Variants in DNAH7 observed in about 807,000 individuals in gnomAD.
The protein encoded by DNAH7 is dynein axonemal heavy chain 7, also known as axonemal beta dynein heavy chain 7.
A neutral mutation model predicts 444.6 loss-of-function variants in DNAH7; 397 were observed. The observed-to-expected ratio is 0.89, with a 90% CI of 0.82 to 0.97. The LOEUF is 0.97. DNAH7 is among the 50% of genes least tolerant of loss of function. The probability of loss-of-function intolerance (pLI) is 0.00; values close to 1 mark genes in which losing one functional copy is unlikely to be tolerated. For synonymous variants in DNAH7, 1,636 were observed against 1,624.4 expected (o/e 1.01, Z -0.17); for missense variants, 4,902 against 4,800.8 (o/e 1.02, Z -0.62).
At chr2:195,856,945 T>A (rs942294212) in intron 44 of DNAH7, among the ~76,000 whole-genome samples, 8 of 152,158 alleles carry the variant, frequency 5.3e-5, no homozygotes, top group Non-Finnish European at 2.9e-5. Flanking sequence ...TGTAAAAGTA[T>A]AATAAAATAC....
intron 40 of DNAH7, among the ~76,000 whole-genome samples, chr2:195,866,836 G>A (rs1700369067): frequency 6.6e-6 from 1 of 152,144 alleles, no homozygotes; most frequent in South Asian, 2.1e-4. Context: ...TGTTGTGGGA[G>A]GAACCTGGTG....
intron 61 of DNAH7, among the ~76,000 whole-genome samples, chr2:195,761,481 A>C (rs893941005): frequency 2.6e-5 from 4 of 152,204 alleles, no homozygotes; most frequent in Non-Finnish European, 4.4e-5. Flanking sequence ...ATTCAAGTAC[A>C]AGAAGGTTAT....
chr2:195,876,446 T>G, intron 37 of DNAH7, 98 bp downstream of exon 37: 1 of 1,236,782 alleles, frequency 8.1e-7, no homozygotes, highest in Non-Finnish European at 1.1e-6. Context: ...ATTAAAAAAC[T>G]ATACAAAAAG....
In DNAH7 at chr2:195,888,443, C is replaced by T. The variant is rs1453502095; in HGVS notation, c.5230-9G>A. On this transcript the variant is annotated splice_polypyrimidine_tract_variant and intron_variant, in intron 32 of 64. Coordinates refer to ENST00000312428, the MANE Select transcript of DNAH7 (RefSeq NM_018897.3). ...ATGCCACATCTGGAAACCTGGAAAGCCATAATTGGTTACCATCAAGGTAAT... is the reference window on the plus strand; with the variant it reads ...ATGCCACATCTGGAAACCTGGAAAGTCATAATTGGTTACCATCAAGGTAAT... 1 of 1,577,292 alleles carries T rather than the reference C, an allele frequency of 6.3e-7. No homozygotes were observed. The highest frequency in any genetic ancestry group is 8.6e-7 in the Non-Finnish European group (1 of 1,169,582).
intron 28 of DNAH7, among the ~76,000 whole-genome samples, chr2:195,898,216 G>A (rs1228747288): frequency 6.6e-6 from 1 of 152,024 alleles, no homozygotes; most frequent in Admixed American, 6.6e-5. Context: ...TGATGCCAAG[G>A]CCTTTTCTCT....
In DNAH7 at chr2:195,936,609, C is replaced by T. The variant is rs1268151229; in HGVS notation, c.3262G>A (p.Asp1088Asn). Residue 1088 changes from aspartate to asparagine, a missense_variant, in exon 20 of 65, where the codon GAT becomes AAT. Asp to Asn is a conservative substitution (Grantham distance 23, BLOSUM62 1). Coordinates refer to ENST00000312428, the MANE Select transcript of DNAH7 (RefSeq NM_018897.3). ...ELLEILSETK[D>N]PTRVQPHLKK... is the part of the protein sequence containing the mutation. ...ATGTAAATTACTTACCTAGTGGGAT[C>T]TTTAGTCTCAGATAGTATCTCAAGA... 1 of 1,585,072 alleles carries T rather than the reference C, an allele frequency of 6.3e-7. No homozygotes were observed. The highest frequency in any genetic ancestry group is 1.4e-5 in the African/African-American group (1 of 73,216).
At chr2:196,066,130 T>C (rs1698415878) in intron 1 of DNAH7, among the ~76,000 whole-genome samples, 1 of 152,246 alleles carries the variant, frequency 6.6e-6, no homozygotes, top group South Asian at 2.1e-4. Context: ...GATTTTCACC[T>C]ACTTGACTGC....
chr2:195,739,636 A>G (rs1692870505), intron 64 of DNAH7, among the ~76,000 whole-genome samples: 2 of 152,230 alleles, frequency 1.3e-5, no homozygotes, highest in Non-Finnish European at 2.9e-5. Context: ...AGAAAAATAT[A>G]ATGAACACGT....
intron 49 of DNAH7, among the ~76,000 whole-genome samples, chr2:195,820,759 T>A (rs953541220): frequency 7.2e-5 from 11 of 152,212 alleles, no homozygotes; most frequent in Admixed American, 2.6e-4. Flanking sequence ...AGGGTTTTTT[T>A]AAATTAGAAT....
At position 195,957,230 on chromosome 2, in the gene DNAH7, T is replaced by G. The variant is rs1395874608; in HGVS notation, c.3078+31A>C. On this transcript the variant is annotated intron_variant, in intron 19 of 64. Transcript: ENST00000312428. ...CAAAAATCATGTCACTTCAACCAAA[T>G]AATGACATTTTTGGAGATTTTTTCA... 4 of 1,438,538 alleles carry G rather than the reference T, an allele frequency of 2.8e-6. No individual in the cohort carries two copies. The East Asian group carries it at 1.0e-4, about 36-fold the overall frequency. The allele number at this position is 1,438,538 out of a possible 1,614,324, so 89.1% of individuals were successfully genotyped here. A position where few individuals can be genotyped will look rare whatever the true frequency, so the allele number is the denominator to read the frequency against.
chr2:195,768,044 T>C lies in DNAH7; in HGVS notation c.11433+3616A>G, dbSNP rs568100733. On this transcript the variant is annotated intron_variant, in intron 61 of 64. Transcript: ENST00000312428. ...ATTCTTAAATTTGATAACTGTATTG[T>C]GATATTGTAAAAGAATATTCTTGTT... Among the ~76,000 whole-genome samples, 8 of 151,702 alleles carry C rather than the reference T, an allele frequency of 5.3e-5. No individual in the cohort carries two copies. The East Asian group carries it at 1.3e-3, about 26-fold the overall frequency.
At chr2:195,961,646 G>A (rs1308713090) in intron 17 of DNAH7, among the ~76,000 whole-genome samples, 1 of 152,118 alleles carries the variant, frequency 6.6e-6, no homozygotes, top group African/African-American at 2.4e-5. Context: ...AGAGAACAAT[G>A]TCTGGTTACA....
chr2:196,021,260 G>A (rs1695362186), intron 8 of DNAH7, among the ~76,000 whole-genome samples: 1 of 152,056 alleles, frequency 6.6e-6, no homozygotes, highest in Admixed American at 6.6e-5. Context: ...GTGTCCACCT[G>A]TCTATGTCTA....
At chr2:195,804,226 C>T (rs1449741352) in intron 54 of DNAH7, among the ~76,000 whole-genome samples, 1 of 152,194 alleles carries the variant, frequency 6.6e-6, no homozygotes, top group African/African-American at 2.4e-5. Context: ...TTCAGCAATG[C>T]TCTTCTTCCT....
intron 5 of DNAH7, among the ~76,000 whole-genome samples, chr2:196,043,365 A>G (rs1182211345): frequency 6.6e-6 from 1 of 152,130 alleles, no homozygotes; most frequent in Non-Finnish European, 1.5e-5. Context: ...CTCGTCAACA[A>G]TGCATGCCAA....
chr2:196,057,572 A>C (rs903588456), intron 2 of DNAH7, among the ~76,000 whole-genome samples: 1 of 152,240 alleles, frequency 6.6e-6, no homozygotes, highest in African/African-American at 2.4e-5. Flanking sequence ...CATGTACTTG[A>C]AATGTCCAAG....
At position 195,876,669 on chromosome 2, in the gene DNAH7, T is replaced by C; in HGVS notation, c.5992A>G (p.Ile1998Val). ...AAGTTAATTAGCAGAGGTTTGTAGA[T>C]TTCCTTATTTAGTTGATTTAAAAGA... is the stretch of plus-strand genomic sequence containing the variant. Reference protein sequence around the residue: ...NFLLNQLNKEIYKPLLINFSA... With the variant: ...NFLLNQLNKEVYKPLLINFSA... Residue 1998 changes from isoleucine to valine, a missense_variant, in exon 37 of 65, where the codon ATC becomes GTC. Transcript: ENST00000312428. The C allele has an allele frequency of 6.2e-7, 1 of 1,602,842 alleles. No homozygotes were observed. Among genetic ancestry groups the C allele is most frequent in the East Asian group, 2.2e-5 (1 of 44,786 alleles).
chr2:195,957,008 C>G (rs2125509852), intron 19 of DNAH7, among the ~76,000 whole-genome samples: 1 of 152,202 alleles, frequency 6.6e-6, no homozygotes, highest in Non-Finnish European at 1.5e-5. Flanking sequence ...AGATAAGAAC[C>G]AATAACAGAA....
rs1381379624 is a variant in DNAH7 at position 195,957,445 on chromosome 2, T to C, written c.2894A>G (p.Glu965Gly). 1 of 1,533,976 alleles carries C rather than the reference T, an allele frequency of 6.5e-7. No homozygotes were observed. Among genetic ancestry groups the C allele is most frequent in the Admixed American group, 1.9e-5 (1 of 53,554 alleles). Residue 965 changes from glutamate to glycine, a missense_variant and splice_region_variant, in exon 19 of 65, where the codon GAA becomes GGA. Physicochemically the swap from Glu to Gly is moderately conservative, Grantham distance 98 (BLOSUM62 -2). Transcript: ENST00000312428. ...FIKPYEKQMR[E>G]WEGKLLLLQE... Reference sequence around the variant, plus strand: ...AAGCAGTAGGAGCTTGCCCTCCCATTCTCTGAGGAGCAAAACACAGTGGCT... The same window carrying C: ...AAGCAGTAGGAGCTTGCCCTCCCATCCTCTGAGGAGCAAAACACAGTGGCT...
Sources: allele counts gnomAD v4.1 joint callset (sites outside exome capture counted in the v4.1 genomes callset), GRCh38; gene constraint gnomAD v4.1.1; transcripts MANE v1.5; gene names NCBI Gene and HGNC (gene_info 2026-07-23, HGNC 2026-07-21).